The following RHOBTB1 variants were observed in gnomAD, a reference collection of about 807,000 sequenced individuals.
RHOBTB1 encodes Rho related BTB domain containing 1, also known as rho-related BTB domain-containing protein 1.
RHOBTB1 carries 40 observed loss-of-function variants against 71.6 expected under a neutral mutation model. That is an observed-to-expected ratio of 0.56 (90% CI 0.43 to 0.73). The LOEUF (loss-of-function observed/expected upper bound fraction) is 0.73, where lower values mean the gene tolerates loss of function less well. Among genes scored for constraint, RHOBTB1 ranks in the 30% least tolerant of loss-of-function variants. RHOBTB1 has a pLI of 0.00. For missense variants in RHOBTB1, 797 were observed against 894.0 expected, an observed-to-expected ratio of 0.89 and a Z score of 1.38; for synonymous variants, 319 against 334.9, an observed-to-expected ratio of 0.95 and a Z score of 0.52.
At position 60,950,003 on chromosome 10, in the gene RHOBTB1, G is replaced by C. The variant is rs12249956; in HGVS notation, c.-61-8149C>G. ...ATTCATTAGGTTTTCTGTTGGGGTA[G>C]GGTGAGTTTGGTAAAAATGTGATTT... On this transcript the variant is annotated intron_variant, in intron 2 of 11. Coordinates refer to the RHOBTB1 transcript ENST00000357917. Among the ~76,000 whole-genome samples the C allele has an allele frequency of 3.1e-3, 477 of 152,266 alleles. 5 individuals carry two copies. Among genetic ancestry groups the C allele is most frequent in the African/African-American group, 0.011 (457 of 41,546 alleles).
At chr10:60,967,241 A>T (rs1448387768) in intron 2 of RHOBTB1, among the ~76,000 whole-genome samples, 1 of 151,924 alleles carries the variant, frequency 6.6e-6, no homozygotes, top group Non-Finnish European at 1.5e-5. Flanking sequence ...CAATTAGAAA[A>T]AAAAAATATA....
rs183528242 is a variant in RHOBTB1, at chr10:60,951,683, C to T, written c.-61-9829G>A. Among the ~76,000 whole-genome samples the T allele has an allele frequency of 1.6e-3, 247 of 152,278 alleles. 1 individual carries two copies. Among genetic ancestry groups the T allele is most frequent in the African/African-American group, 5.5e-3 (229 of 41,538 alleles). ...GAGCTTGAAGATTTGGTGAGAGGCA[C>T]GGAAGCTTCATGCTTCTCCATCCCC... On this transcript the variant is annotated intron_variant, in intron 2 of 11. Transcript: ENST00000357917.
chr10:60,982,161 T>A (rs994756446), intron 2 of RHOBTB1, among the ~76,000 whole-genome samples: 1 of 152,218 alleles, frequency 6.6e-6, no homozygotes, highest in Non-Finnish European at 1.5e-5. Flanking sequence ...TGGCGGCCCA[T>A]GAACTTTGCT....
chr10:60,967,839 A>T (rs550503574), intron 2 of RHOBTB1, among the ~76,000 whole-genome samples: 6 of 152,130 alleles, frequency 3.9e-5, no homozygotes, highest in African/African-American at 1.4e-4. Flanking sequence ...GAAATGTGAG[A>T]TTTGGTCATA....
intron 2 of RHOBTB1, among the ~76,000 whole-genome samples, chr10:60,924,880 T>C (rs2083777483): frequency 6.6e-6 from 1 of 152,142 alleles, no homozygotes; most frequent in African/African-American, 2.4e-5. Context: ...AACAATATGC[T>C]CTTAGATATA....
In RHOBTB1 at chr10:60,913,933, T is replaced by C. The variant is rs974993758; in HGVS notation, c.-10-2381A>G. ...TTACGTGAACTGATGAATTAAGTCC[T>C]CAGTGCCGTAACTGACACACTGATG... On this transcript the variant is annotated intron_variant, in intron 2 of 10. Transcript: ENST00000337910. 1.8e-4 allele frequency among the ~76,000 whole-genome samples: 27 copies of C among 152,196 alleles called. 1 individual carries two copies. Among genetic ancestry groups the C allele is most frequent in the Non-Finnish European group, 1.5e-5 (1 of 68,032 alleles).
chr10:60,872,145 T>A (rs375681933), intron 10 of RHOBTB1, 40 bp downstream of exon 10: 1 of 1,403,294 alleles, frequency 7.1e-7, no homozygotes, highest in African/African-American at 1.4e-5. Flanking sequence ...CCATGAGAGG[T>A]GAGGAGAGCT....
intron 2 of RHOBTB1, among the ~76,000 whole-genome samples, chr10:60,959,886 C>T (rs1466586908): frequency 1.3e-5 from 2 of 152,156 alleles, no homozygotes; most frequent in African/African-American, 2.4e-5. Context: ...AGATTAAATA[C>T]AATTATGTAA....
intron 1 of RHOBTB1, among the ~76,000 whole-genome samples, chr10:60,997,053 G>C (rs2087078057): frequency 7.2e-6 from 1 of 138,300 alleles, no homozygotes; most frequent in Admixed American, 7.6e-5. Flanking sequence ...AGTAGCCACA[G>C]CATGGTTATG....
At chr10:60,903,055 T>A (rs999642220) in intron 4 of RHOBTB1, among the ~76,000 whole-genome samples, 1 of 152,148 alleles carries the variant, frequency 6.6e-6, no homozygotes, top group African/African-American at 2.4e-5. Flanking sequence ...TGCAAAGCTG[T>A]CCTATGGGAA....
At chr10:61,000,938 T>C (rs548432571) in intron 1 of RHOBTB1, among the ~76,000 whole-genome samples, 51 of 152,308 alleles carry the variant, frequency 3.3e-4, no homozygotes, top group Non-Finnish European at 5.1e-4. Context: ...ATGCTGCGCC[T>C]ACTTTCAGAA....
At chr10:60,963,454 C>A (rs1167938839) in intron 2 of RHOBTB1, among the ~76,000 whole-genome samples, 2 of 152,122 alleles carry the variant, frequency 1.3e-5, no homozygotes, top group Non-Finnish European at 2.9e-5. Context: ...AAGTTGCACC[C>A]TTTGCATAAA....
In RHOBTB1 at chr10:60,888,270, G is replaced by A. The variant is rs763741279; in HGVS notation, c.1398C>T (p.Ala466=). 1 of 1,614,078 alleles carries A rather than the reference G, an allele frequency of 6.2e-7. No individual in the cohort carries two copies. Among genetic ancestry groups the A allele is most frequent in the Admixed American group, 1.7e-5 (1 of 59,998 alleles). Residue 466 remains alanine, a synonymous_variant, in exon 6 of 11, where the codon GCC becomes GCT. Coordinates refer to ENST00000337910, the MANE Select transcript of RHOBTB1 (RefSeq NM_014836.5). ...TCCGATTGGCTTTCCTTACGTGAAA[G>A]GCTTTCGTAATCTCCTGGTTCATGA... ...EAFMNQEITK[A]FHVRKANRIK... is the part of the protein sequence containing the mutation.
At chr10:60,945,754 G>A (rs1169161094), upstream of RHOBTB1, among the ~76,000 whole-genome samples, 1 of 152,052 alleles carries the variant, frequency 6.6e-6, no homozygotes, top group African/African-American at 2.4e-5. Context: ...CATTCCCACG[G>A]CAGTATTTTT....
chr10:60,944,472 G>C (rs2134292518), upstream of RHOBTB1, among the ~76,000 whole-genome samples: 1 of 152,274 alleles, frequency 6.6e-6, no homozygotes, highest in South Asian at 2.1e-4. Context: ...CACGGAGGCG[G>C]ATCGCCCGGG....
chr10:60,944,610 C>T (rs945259504), upstream of RHOBTB1, among the ~76,000 whole-genome samples: 1 of 152,190 alleles, frequency 6.6e-6, no homozygotes, highest in African/African-American at 2.4e-5. Flanking sequence ...TTTGCTGGCC[C>T]TTTGTCCCAG....
downstream of RHOBTB1, among the ~76,000 whole-genome samples, chr10:60,865,557 A>G (rs1281441930): frequency 6.6e-6 from 1 of 152,214 alleles, no homozygotes; most frequent in Non-Finnish European, 1.5e-5. Flanking sequence ...CCAAGGCCAG[A>G]TGGGATGGAA....
chr10:60,898,899 C>T (rs2082280320), intron 4 of RHOBTB1, among the ~76,000 whole-genome samples: 1 of 152,180 alleles, frequency 6.6e-6, no homozygotes, highest in Non-Finnish European at 1.5e-5. Flanking sequence ...ACATCAGCAT[C>T]CCAGCAATGC....
intron 4 of RHOBTB1, among the ~76,000 whole-genome samples, chr10:60,898,911 AC>A (rs1358073849): frequency 1.3e-5 from 2 of 152,202 alleles, no homozygotes; most frequent in African/African-American, 4.8e-5. Context: ...CAGCAATGCC[AC>A]CAAACCCTAA....
Sources: gnomAD v4.1 joint callset for allele counts (sites outside exome capture counted in the v4.1 genomes callset) on GRCh38, gnomAD v4.1.1 for gene constraint, MANE v1.5 for transcripts, NCBI Gene and HGNC (gene_info 2026-07-23, HGNC 2026-07-21) for gene names.